SLC17A1: variants seen among roughly 807,000 people sequenced by gnomAD.
SLC17A1 encodes the protein sodium-dependent phosphate transport protein 1.
A neutral mutation model predicts 53.5 loss-of-function variants in SLC17A1; 51 were observed. That is an observed-to-expected ratio of 0.95 (90% CI 0.76 to 1.20). The LOEUF (loss-of-function observed/expected upper bound fraction) is 1.20, where lower values mean the gene tolerates loss of function less well. Among genes scored for constraint, SLC17A1 ranks in the 50% most tolerant of loss-of-function variants. The probability of loss-of-function intolerance (pLI) is 0.00; values close to 1 mark genes in which losing one functional copy is unlikely to be tolerated. For synonymous variants in SLC17A1, 179 were observed against 198.8 expected (o/e 0.90, Z 0.84); for missense variants, 538 against 568.2 (o/e 0.95, Z 0.54).
chr6:25,758,960 G>A, the SLC17A1 span, among the ~76,000 whole-genome samples: 6 of 152,002 alleles, frequency 3.9e-5, no homozygotes, highest in African/African-American at 7.2e-5. Context: ...TCTTAGCACC[G>A]CTTTTGCTGT....
intron 10 of SLC17A1, among the ~76,000 whole-genome samples, chr6:25,806,164 A>G (rs1356793667): frequency 1.3e-5 from 2 of 152,142 alleles, no homozygotes; most frequent in African/African-American, 4.8e-5. Flanking sequence ...AGTGCATCAA[A>G]TAGATAGAAT....
the SLC17A1 span, among the ~76,000 whole-genome samples, chr6:25,738,959 C>A: frequency 0.27 from 41,291 of 151,992 alleles, 6,816 homozygotes; most frequent in East Asian, 0.7. Flanking sequence ...TACAGATCAC[C>A]TTGGGAAACA....
the SLC17A1 span, among the ~76,000 whole-genome samples, chr6:25,775,344 G>A: frequency 7.9e-5 from 9 of 113,336 alleles, no homozygotes; most frequent in African/African-American, 2.5e-4. Flanking sequence ...AAAAAAAATA[G>A]AAAGACTGAA....
At chr6:25,768,347 G>A in the SLC17A1 span, 1 of 985,032 alleles carries the variant, frequency 1.0e-6, no homozygotes, top group African/African-American at 1.7e-5. Context: ...GATAGTGGAT[G>A]AATTCTTCCC....
chr6:25,831,156 C>T (rs1764933138), intron 1 of SLC17A1, among the ~76,000 whole-genome samples: 1 of 152,138 alleles, frequency 6.6e-6, no homozygotes, highest in African/African-American at 2.4e-5. Flanking sequence ...CTGTCCGTAT[C>T]TTCAGTTTCC....
At chr6:25,773,826 G>T in the SLC17A1 span, 1 of 697,956 alleles carries the variant, frequency 1.4e-6, no homozygotes, top group Non-Finnish European at 2.3e-6. Context: ...AGTTAATTTG[G>T]ATTCTGATTG....
chr6:25,812,754 A>G, intron 8 of SLC17A1, 77 bp downstream of exon 8: 2 of 1,088,180 alleles, frequency 1.8e-6, no homozygotes, highest in South Asian at 3.2e-5. Context: ...AAGAGCTGCG[A>G]CTAGGGTCGT....
In SLC17A1 at chr6:25,826,612, C is replaced by A. The variant is rs756941205; in HGVS notation, c.56G>T (p.Arg19Leu). The A allele has an allele frequency of 3.2e-6, 5 of 1,578,054 alleles. No individual in the cohort carries two copies. Among genetic ancestry groups the A allele is most frequent in the East Asian group, 2.3e-5 (1 of 43,316 alleles). The part of the protein sequence containing the change: ...PKKVPGFCSF[R>L]YGLSFLVHCC... The stretch of plus-strand genomic sequence containing the variant: ...GTGCACAAGGAAAGACAATCCATAG[C>A]GAAAGGAACAGAAACCTGGAACTAC... The change falls in exon 3 of 13, where the codon CGC (arginine) becomes CTC (leucine). Residue 19 changes from arginine to leucine, a missense_variant. Transcript: ENST00000244527.
chr6:25,824,877 T>C (rs1312711466), intron 3 of SLC17A1, among the ~76,000 whole-genome samples: 1 of 151,932 alleles, frequency 6.6e-6, no homozygotes, highest in Non-Finnish European at 1.5e-5. Context: ...GCCCCCTATA[T>C]TTTGCTGCTC....
intron 12 of SLC17A1, among the ~76,000 whole-genome samples, chr6:25,794,627 C>T (rs1763567127): frequency 6.6e-6 from 1 of 152,158 alleles, no homozygotes; most frequent in Non-Finnish European, 1.5e-5. Flanking sequence ...AAGTTCAAAA[C>T]ACTGAGGGCC....
At chr6:25,750,053 C>G in the SLC17A1 span, among the ~76,000 whole-genome samples, 1 of 152,164 alleles carries the variant, frequency 6.6e-6, no homozygotes, top group Non-Finnish European at 1.5e-5. Flanking sequence ...CCTTTCCTAA[C>G]CAACACAGAA....
intron 10 of SLC17A1, among the ~76,000 whole-genome samples, chr6:25,803,857 A>C (rs894589098): frequency 6.6e-6 from 1 of 152,110 alleles, no homozygotes; most frequent in Admixed American, 6.5e-5. Flanking sequence ...TTATTCAATT[A>C]TCTTAATTAC....
the SLC17A1 span, among the ~76,000 whole-genome samples, chr6:25,762,931 TTAA>T: frequency 6.6e-6 from 1 of 152,172 alleles, no homozygotes; most frequent in Admixed American, 6.6e-5. Flanking sequence ...TCCCTTAAAA[TTAA>T]TAATACGAAG....
chr6:25,743,562 C>G, the SLC17A1 span, among the ~76,000 whole-genome samples: 2 of 152,158 alleles, frequency 1.3e-5, no homozygotes, highest in Non-Finnish European at 2.9e-5. Flanking sequence ...AAGCTAATCT[C>G]AATTACTAGA....
chr6:25,756,629 C>T, the SLC17A1 span, among the ~76,000 whole-genome samples: 7 of 152,270 alleles, frequency 4.6e-5, no homozygotes, highest in Admixed American at 1.3e-4. Context: ...CTCTCATTAA[C>T]GCCAGCAAAA....
At chr6:25,726,113 T>G in the SLC17A1 span, 2 of 1,506,270 alleles carry the variant, frequency 1.3e-6, no homozygotes, top group Admixed American at 2.3e-5. Context: ...GAAGTCTTTT[T>G]ACCAATGACA....
chr6:25,822,575 A>G (rs1473164228), intron 3 of SLC17A1, among the ~76,000 whole-genome samples: 2 of 152,038 alleles, frequency 1.3e-5, no homozygotes, highest in Non-Finnish European at 2.9e-5. Context: ...GGGATGGCAA[A>G]AGGTTTCATG....
At chr6:25,747,367 T>C in the SLC17A1 span, among the ~76,000 whole-genome samples, 2 of 152,236 alleles carry the variant, frequency 1.3e-5, no homozygotes, top group African/African-American at 4.8e-5. Flanking sequence ...TAGGCTTAAA[T>C]GCTGGTTGGA....
chr6:25,740,728 A>G, the SLC17A1 span, among the ~76,000 whole-genome samples: 1 of 152,234 alleles, frequency 6.6e-6, no homozygotes, highest in Non-Finnish European at 1.5e-5. Flanking sequence ...CTGCACTTCC[A>G]TATTAATTAT....
Sources: gnomAD v4.1 joint callset for allele counts (sites outside exome capture counted in the v4.1 genomes callset) on GRCh38, gnomAD v4.1.1 for gene constraint, MANE v1.5 for transcripts, NCBI Gene and HGNC (gene_info 2026-07-23, HGNC 2026-07-21) for gene names.